Variants in MECOM observed in about 807,000 individuals in gnomAD.
The protein encoded by MECOM is MDS1 and EVI1 complex locus.
MECOM carries 13 observed loss-of-function variants against 116.3 expected under a neutral mutation model. The ratio of observed to expected loss-of-function variants is 0.11; its 90% CI spans 0.07 to 0.18. The LOEUF is 0.18. Ranked by LOEUF, MECOM falls within the 10% of genes least tolerant of loss-of-function variation. The pLI, the probability that MECOM is intolerant of heterozygous loss-of-function variation, is 1.00. For missense variants in MECOM, 1,299 were observed against 1,509.0 expected, an observed-to-expected ratio of 0.86 and a Z score of 2.31; for synonymous variants, 528 against 535.2, an observed-to-expected ratio of 0.99 and a Z score of 0.19.
chr3:169,206,668 G>A (rs571200809), intron 2 of MECOM, among the ~76,000 whole-genome samples: 135 of 151,042 alleles, frequency 8.9e-4, no homozygotes, highest in African/African-American at 2.9e-3. Flanking sequence ...CAGGAGAATC[G>A]CTTGAACTCA....
intron 1 of MECOM, among the ~76,000 whole-genome samples, chr3:169,618,667 GA>G (rs1191592308): frequency 1.3e-4 from 20 of 151,974 alleles, no homozygotes; most frequent in Non-Finnish European, 2.2e-4. Context: ...AAAATAAATA[GA>G]AAAAATAAAA....
chr3:169,563,832 G>A (rs1420882785), intron 1 of MECOM, among the ~76,000 whole-genome samples: 1 of 152,134 alleles, frequency 6.6e-6, no homozygotes, highest in African/African-American at 2.4e-5. Context: ...AGATTCACCA[G>A]AATTACTCAC....
At chr3:169,616,212 G>A (rs769888270) in intron 1 of MECOM, among the ~76,000 whole-genome samples, 2 of 152,212 alleles carry the variant, frequency 1.3e-5, no homozygotes, top group African/African-American at 4.8e-5. Context: ...TGCAAAGGAG[G>A]CATGGAGGCA....
Position 169,122,838 on chromosome 3 carries a change from A to T in MECOM, c.831-111T>A. Reference sequence around the variant, plus strand: ...AAGAAACAAGAAGGAAAAGGAGTTGAACTGAGAAGGAGGGAAGAGCAGAAA... The same window carrying T: ...AAGAAACAAGAAGGAAAAGGAGTTGTACTGAGAAGGAGGGAAGAGCAGAAA... On this transcript the variant is annotated intron_variant, in intron 5 of 16. Coordinates refer to ENST00000651503, the MANE Select transcript of MECOM (RefSeq NM_004991.4). The T allele has an allele frequency of 4.8e-6, 6 of 1,245,332 alleles. No homozygotes were observed. In the South Asian group the frequency reaches 8.7e-5, roughly 18 times the overall value. The allele number at this position is 1,245,332 out of a possible 1,614,324, so 77.1% of individuals were successfully genotyped here. A position where few individuals can be genotyped will look rare whatever the true frequency, so the allele number is the denominator to read the frequency against.
At chr3:169,589,033 T>A (rs960947502) in intron 1 of MECOM, among the ~76,000 whole-genome samples, 19 of 152,286 alleles carry the variant, frequency 1.2e-4, no homozygotes, top group African/African-American at 4.3e-4. Flanking sequence ...CATATCTATA[T>A]TTTTAAGTCT....
At chr3:169,101,343 G>C (rs1422440088) in intron 11 of MECOM, among the ~76,000 whole-genome samples, 5 of 152,100 alleles carry the variant, frequency 3.3e-5, no homozygotes, top group Admixed American at 3.3e-4. Flanking sequence ...GATTTCAAAT[G>C]TTTCAACTCA....
intron 1 of MECOM, among the ~76,000 whole-genome samples, chr3:169,493,972 G>C (rs1024438482): frequency 6.6e-6 from 1 of 152,046 alleles, no homozygotes; most frequent in African/African-American, 2.4e-5. Flanking sequence ...AACCTTAAAC[G>C]GTAGGAAAGA....
At chr3:169,542,844 A>G (rs1760262931) in intron 1 of MECOM, among the ~76,000 whole-genome samples, 2 of 152,246 alleles carry the variant, frequency 1.3e-5, no homozygotes, top group Admixed American at 6.5e-5. Context: ...CTGTTTTTAC[A>G]AATCTACTAT....
intron 1 of MECOM, among the ~76,000 whole-genome samples, chr3:169,624,588 G>C (rs941368541): frequency 6.6e-6 from 1 of 152,166 alleles, no homozygotes; most frequent in Admixed American, 6.5e-5. Flanking sequence ...CCTCTGATGG[G>C]AACAGCTGTT....
At chr3:169,473,843 A>G (rs1749933890) in intron 1 of MECOM, among the ~76,000 whole-genome samples, 1 of 152,172 alleles carries the variant, frequency 6.6e-6, no homozygotes, top group Non-Finnish European at 1.5e-5. Flanking sequence ...CCAATTACAC[A>G]TATAGCAAAA....
chr3:169,288,937 C>T (rs919803667), intron 2 of MECOM, among the ~76,000 whole-genome samples: 1 of 152,114 alleles, frequency 6.6e-6, no homozygotes, highest in African/African-American at 2.4e-5. Context: ...TAACACCAGA[C>T]CTTAGAAACT....
At chr3:169,088,096 T>A (rs946465816) in intron 16 of MECOM, among the ~76,000 whole-genome samples, 2 of 152,178 alleles carry the variant, frequency 1.3e-5, no homozygotes, top group Non-Finnish European at 2.9e-5. Context: ...CTTACCCAAA[T>A]AGAAAATCAT....
intron 1 of MECOM, among the ~76,000 whole-genome samples, chr3:169,534,065 A>G (rs189824657): frequency 6.6e-6 from 1 of 152,322 alleles, no homozygotes; most frequent in Admixed American, 6.5e-5. Context: ...TTTCTACCAG[A>G]GATACCTAGA....
intron 4 of MECOM, among the ~76,000 whole-genome samples, chr3:169,129,723 A>G (rs1355413096): frequency 2.6e-5 from 4 of 152,162 alleles, no homozygotes; most frequent in African/African-American, 9.7e-5. Flanking sequence ...TCTAGGCCAC[A>G]TCATGCATGG....
intron 2 of MECOM, among the ~76,000 whole-genome samples, chr3:169,238,818 C>A (rs1014924153): frequency 1.3e-5 from 2 of 151,970 alleles, no homozygotes; most frequent in Non-Finnish European, 2.9e-5. Flanking sequence ...GGTAGAAAAA[C>A]CACTATGAAT....
At chr3:169,393,927 G>A (rs1309920452) in intron 1 of MECOM, among the ~76,000 whole-genome samples, 2 of 151,950 alleles carry the variant, frequency 1.3e-5, no homozygotes, top group African/African-American at 4.8e-5. Flanking sequence ...AATATATTGT[G>A]GATAAAGCCA....
At chr3:169,267,459 C>T (rs1263748862) in intron 2 of MECOM, among the ~76,000 whole-genome samples, 1 of 152,114 alleles carries the variant, frequency 6.6e-6, no homozygotes, top group African/African-American at 2.4e-5. Context: ...AGGAATGAGA[C>T]CACGATAGGT....
chr3:169,568,960 C>A lies in MECOM; in HGVS notation c.37+94376G>T, dbSNP rs149180877. Among the ~76,000 whole-genome samples the A allele has an allele frequency of 6.8e-3, 1,031 of 152,242 alleles. 11 individuals carry two copies. The highest frequency in any genetic ancestry group is 0.024 in the African/African-American group (988 of 41,524). The stretch of plus-strand genomic sequence containing the variant: ...AACGGGCAAAATAACCAGCTAGCAT[C>A]ATAATGACAGGATCAAATTCACACA... On this transcript the variant is annotated intron_variant, in intron 1 of 16. Coordinates refer to ENST00000651503, the MANE Select transcript of MECOM (RefSeq NM_004991.4).
chr3:169,554,197 C>A (rs905338601), intron 1 of MECOM, among the ~76,000 whole-genome samples: 1 of 152,126 alleles, frequency 6.6e-6, no homozygotes, highest in Non-Finnish European at 1.5e-5. Flanking sequence ...ATGTTAGAAG[C>A]CTCATGGTAA....
Sources: allele counts gnomAD v4.1 joint callset (sites outside exome capture counted in the v4.1 genomes callset), GRCh38; gene constraint gnomAD v4.1.1; transcripts MANE v1.5; gene names NCBI Gene and HGNC (gene_info 2026-07-23, HGNC 2026-07-21).